The following CHD7 variants were observed in gnomAD, a reference collection of about 807,000 sequenced individuals.
CHD7 encodes ATP-dependent chromatin remodeler CHD7.
CHD7 carries 24 observed loss-of-function variants against 307.3 expected under a neutral mutation model. The observed-to-expected ratio is 0.08, with a 90% confidence interval of 0.06 to 0.11. The LOEUF (loss-of-function observed/expected upper bound fraction) is 0.11, where lower values mean the gene tolerates loss of function less well. Among genes scored for constraint, CHD7 ranks in the 10% least tolerant of loss-of-function variants. CHD7 has a pLI of 1.00. For missense variants in CHD7, 3,106 were observed against 3,727.1 expected, an observed-to-expected ratio of 0.83 and a Z score of 4.34; for synonymous variants, 1,363 against 1,349.9, an observed-to-expected ratio of 1.01 and a Z score of -0.21.
chr8:60,718,932 A>G (rs1316928048), intron 1 of CHD7, among the ~76,000 whole-genome samples: 1 of 152,220 alleles, frequency 6.6e-6, no homozygotes, highest in Non-Finnish European at 1.5e-5. Flanking sequence ...ATTGTGTTGC[A>G]GTTGCCTACA....
intron 7 of CHD7, among the ~76,000 whole-genome samples, chr8:60,814,949 T>A (rs569225162): frequency 6.6e-6 from 1 of 152,352 alleles, no homozygotes; most frequent in East Asian, 1.9e-4. Context: ...AAATGCTCCA[T>A]TGAGCATTTC....
intron 34 of CHD7, 92 bp downstream of exon 34, chr8:60,856,980 C>A: frequency 1.7e-6 from 2 of 1,193,636 alleles, no homozygotes; most frequent in African/African-American, 1.5e-5. Context: ...TTTCTCTCAG[C>A]AGCATTGTAT....
chr8:60,795,349 A>G (rs180803022), intron 4 of CHD7, among the ~76,000 whole-genome samples: 264 of 152,144 alleles, frequency 1.7e-3, no homozygotes, highest in Non-Finnish European at 2.8e-3. Context: ...GCTATCTTTG[A>G]CTCTATAATT....
At chr8:60,828,257 GA>G (rs1255819288) in intron 13 of CHD7, among the ~76,000 whole-genome samples, 2 of 152,216 alleles carry the variant, frequency 1.3e-5, no homozygotes, top group African/African-American at 4.8e-5. Flanking sequence ...GCAGGAAGCA[GA>G]TGGAGAGATG....
chr8:60,852,683 G>A lies in CHD7; in HGVS notation c.6080G>A (p.Arg2027Gln), dbSNP rs372077201. 277 of 1,613,900 alleles carry A rather than the reference G, an allele frequency of 1.7e-4. 2 individuals carry two copies. In the South Asian group the frequency reaches 2.5e-3, roughly 15 times the overall value. Residue 2027 changes from arginine to glutamine, a missense_variant, in exon 30 of 38, where the codon CGA (arginine) becomes CAA (glutamine). Physicochemically the swap from Arg to Gln is conservative, Grantham distance 43 (BLOSUM62 1). Coordinates refer to ENST00000423902, the MANE Select transcript of CHD7 (RefSeq NM_017780.4). The stretch of plus-strand genomic sequence containing the variant: ...GTGGCCATGTGTAGGCGAGTATGTC[G>A]AATGCCCGTCAAGCCAGATGATGGT... ...CFVAMCRRVC[R>Q]MPVKPDDEPP...
chr8:60,852,291 C>A, intron 29 of CHD7, 44 bp downstream of exon 29: 1 of 1,531,324 alleles, frequency 6.5e-7, no homozygotes, highest in Non-Finnish European at 8.9e-7. Flanking sequence ...GTACATGCCC[C>A]TCTGCCCTGC....
In CHD7 at chr8:60,863,003, AAAAACAAAAC is replaced by A. The variant is rs147759163; in HGVS notation, c.8076+371_8076+380del. 647 of 191,544 alleles carry A rather than the reference AAAAACAAAAC, an allele frequency of 3.4e-3. 4 individuals carry two copies. Among genetic ancestry groups the A allele is most frequent in the Non-Finnish European group, 4.0e-3 (384 of 95,482 alleles). 11.9% of individuals were successfully genotyped at this position (191,544 alleles called of 1,614,324 possible). A position where few individuals can be genotyped will look rare whatever the true frequency, so the allele number is the denominator to read the frequency against. Reference sequence around the variant, plus strand: ...TAAGATTAACTGTGATTTCTGATTTAAAAACAAAACAAAACAAAACAAAACAAAAATACAA... The same window carrying A: ...TAAGATTAACTGTGATTTCTGATTTAAAAACAAAACAAAACAAAAATACAA... On this transcript the variant is annotated intron_variant, in intron 37 of 37. Coordinates refer to ENST00000423902, the MANE Select transcript of CHD7 (RefSeq NM_017780.4).
At chr8:60,704,598 C>T (rs1806927698) in intron 1 of CHD7, among the ~76,000 whole-genome samples, 2 of 150,814 alleles carry the variant, frequency 1.3e-5, no homozygotes, top group African/African-American at 2.4e-5. Context: ...ATTGCATAGT[C>T]CAGGTGAGAG....
Position 60,800,567 on chromosome 8 carries a change from A to ATGTACT in CHD7, c.2376+44_2376+45insTACTTG. 7 of 1,551,828 alleles carry ATGTACT rather than the reference A, an allele frequency of 4.5e-6. No individual in the cohort carries two copies. The South Asian group carries it at 7.4e-5, about 16-fold the overall frequency. On this transcript the variant is annotated intron_variant, in intron 5 of 37. Transcript: ENST00000423902. The stretch of plus-strand genomic sequence containing the variant: ...TGGGATTTATGGATGCATTTTAAAG[A>ATGTACT]TGGACTAGAAATTTCATTGCTGCAA...
At chr8:60,862,052 A>C (rs1359231249) in intron 35 of CHD7, 144 bp from the exon 36 acceptor site, 1 of 654,322 alleles carries the variant, frequency 1.5e-6, no homozygotes, top group Admixed American at 3.6e-5. Flanking sequence ...AAAGAGAAAA[A>C]TATGGTTTCT....
At chr8:60,840,069 G>T (rs1175485967) in intron 19 of CHD7, among the ~76,000 whole-genome samples, 1 of 152,184 alleles carries the variant, frequency 6.6e-6, no homozygotes, top group African/African-American at 2.4e-5. Flanking sequence ...TTAGCATAAT[G>T]TTATTCACTA....
chr8:60,707,240 G>A (rs1318576451), intron 1 of CHD7, among the ~76,000 whole-genome samples: 1 of 152,148 alleles, frequency 6.6e-6, no homozygotes, highest in African/African-American at 2.4e-5. Flanking sequence ...ATCCACAGAG[G>A]CTGAAATATG....
intron 3 of CHD7, among the ~76,000 whole-genome samples, chr8:60,786,986 C>T (rs570908107): frequency 1.3e-5 from 2 of 152,206 alleles, no homozygotes; most frequent in South Asian, 4.1e-4. Flanking sequence ...TGTGACTTAG[C>T]ATTCAGACGT....
chr8:60,694,394 C>T (rs1249605127), intron 1 of CHD7, among the ~76,000 whole-genome samples: 1 of 152,212 alleles, frequency 6.6e-6, no homozygotes, highest in Non-Finnish European at 1.5e-5. Flanking sequence ...AGCAGGTTAA[C>T]ACACTTATGA....
intron 2 of CHD7, among the ~76,000 whole-genome samples, chr8:60,756,457 G>T (rs1236148692): frequency 6.6e-6 from 1 of 152,142 alleles, no homozygotes. Flanking sequence ...TTGTTTTATG[G>T]TATAAGTGAT....
At chr8:60,836,748 A>G (rs950868142) in intron 16 of CHD7, 69 bp from the exon 17 acceptor site, 1 of 1,147,282 alleles carries the variant, frequency 8.7e-7, no homozygotes, top group Non-Finnish European at 1.3e-6. Flanking sequence ...AATAATTAAA[A>G]ATTAAAAAAA....
chr8:60,780,720 C>T (rs1811171953), intron 2 of CHD7, among the ~76,000 whole-genome samples: 1 of 152,178 alleles, frequency 6.6e-6, no homozygotes, highest in South Asian at 2.1e-4. Flanking sequence ...AAAAAACAGA[C>T]AGTGTCTTCA....
At chr8:60,797,925 T>C (rs1812107481) in intron 4 of CHD7, among the ~76,000 whole-genome samples, 1 of 152,220 alleles carries the variant, frequency 6.6e-6, no homozygotes, top group Non-Finnish European at 1.5e-5. Context: ...ATGATGACTT[T>C]AGTCCTACTA....
At chr8:60,854,248 T>C (rs910829676) in intron 31 of CHD7, 115 bp from the exon 32 acceptor site, 6 of 810,852 alleles carry the variant, frequency 7.4e-6, no homozygotes, top group African/African-American at 6.8e-5. Context: ...AGCCATGTAG[T>C]AGGTACTCAA....
Sources: allele counts gnomAD v4.1 joint callset (sites outside exome capture counted in the v4.1 genomes callset), GRCh38; gene constraint gnomAD v4.1.1; transcripts MANE v1.5; gene names NCBI Gene and HGNC (gene_info 2026-07-23, HGNC 2026-07-21).